The following SUMF1 variants were observed in gnomAD, a reference collection of about 807,000 sequenced individuals.
SUMF1 encodes formylglycine-generating enzyme.
In SUMF1, 48 loss-of-function variants were observed where a neutral mutation model predicts 47.6. That is an observed-to-expected ratio of 1.01 (90% CI 0.80 to 1.28). The LOEUF (loss-of-function observed/expected upper bound fraction) is 1.28. Among genes scored for constraint, SUMF1 ranks in the 50% most tolerant of loss-of-function variants. SUMF1 has a pLI of 0.00. For missense variants in SUMF1, 571 were observed against 485.4 expected (o/e 1.18, Z -1.66); for synonymous variants, 230 against 192.1 (o/e 1.20, Z -1.63).
chr3:4,228,751 T>C (rs1696232480), intron 8 of SUMF1, among the ~76,000 whole-genome samples: 1 of 152,128 alleles, frequency 6.6e-6, no homozygotes, highest in Non-Finnish European at 1.5e-5. Context: ...ATCAATTCTT[T>C]TAAATGGACC....
At position 4,234,639 on chromosome 3, in the gene SUMF1, T is replaced by A. The variant is rs80101243; in HGVS notation, c.1014+141691A>T. ...TATGCTCCAAAAGAAGAAGTAAAAATTTCCCTGCAAACACCTATTAGTGGT... is the reference window on the plus strand; with the variant it reads ...TATGCTCCAAAAGAAGAAGTAAAAAATTCCCTGCAAACACCTATTAGTGGT... On this transcript the variant is annotated intron_variant and NMD_transcript_variant, in intron 8 of 12. Coordinates refer to the SUMF1 transcript ENST00000448413. 5.9e-3 allele frequency among the ~76,000 whole-genome samples: 897 copies of A among 152,164 alleles called. 12 individuals carry two copies. The highest frequency in any genetic ancestry group is 0.02 in the African/African-American group (831 of 41,532).
intron 7 of SUMF1, among the ~76,000 whole-genome samples, chr3:4,400,881 T>A (rs1376819202): frequency 1.3e-5 from 2 of 152,108 alleles, no homozygotes; most frequent in East Asian, 3.9e-4. Context: ...TTGTTACATA[T>A]GTATACATGT....
intron 8 of SUMF1, among the ~76,000 whole-genome samples, chr3:4,295,227 A>G (rs2125058675): frequency 6.6e-6 from 1 of 152,154 alleles, no homozygotes; most frequent in African/African-American, 2.4e-5. Context: ...CCAGGGGCCT[A>G]TATAGTTGCA....
At chr3:4,205,366 C>T (rs941910569) in intron 8 of SUMF1, among the ~76,000 whole-genome samples, 1 of 152,200 alleles carries the variant, frequency 6.6e-6, no homozygotes, top group African/African-American at 2.4e-5. Flanking sequence ...CTCAGCCCGC[C>T]TGCACCCAGG....
chr3:4,087,181 G>T (rs1325851028), intron 8 of SUMF1, among the ~76,000 whole-genome samples: 1 of 152,178 alleles, frequency 6.6e-6, no homozygotes, highest in African/African-American at 2.4e-5. Flanking sequence ...GGGGTAGTGA[G>T]AATCAGAAGA....
intron 8 of SUMF1, among the ~76,000 whole-genome samples, chr3:4,170,084 C>T (rs767604490): frequency 1.3e-5 from 2 of 152,150 alleles, no homozygotes; most frequent in African/African-American, 2.4e-5. Flanking sequence ...CCCACCCCAT[C>T]TGTTTTTGTA....
At chr3:4,256,400 T>A in intron 8 of SUMF1, among the ~76,000 whole-genome samples, 1 of 129,580 alleles carries the variant, frequency 7.7e-6, no homozygotes, top group Non-Finnish European at 1.7e-5. Context: ...GAGAGAAGAA[T>A]CAAATAGACA....
intron 8 of SUMF1, among the ~76,000 whole-genome samples, chr3:4,133,514 T>A (rs958527213): frequency 6.6e-6 from 1 of 152,038 alleles, no homozygotes; most frequent in African/African-American, 2.4e-5. Context: ...AGATTAACAT[T>A]TGAGTCAGTG....
At chr3:4,293,038 T>G (rs957763864) in intron 8 of SUMF1, among the ~76,000 whole-genome samples, 1 of 152,170 alleles carries the variant, frequency 6.6e-6, no homozygotes, top group African/African-American at 2.4e-5. Context: ...ATACTTGACT[T>G]TTTTAAAAAC....
chr3:4,226,896 A>T (rs1289604550), intron 8 of SUMF1, among the ~76,000 whole-genome samples: 1 of 151,956 alleles, frequency 6.6e-6, no homozygotes, highest in Non-Finnish European at 1.5e-5. Context: ...CCCCTACTCC[A>T]GTGGTTCTCA....
At chr3:4,084,548 G>C (rs1196471964) in intron 8 of SUMF1, among the ~76,000 whole-genome samples, 1 of 152,026 alleles carries the variant, frequency 6.6e-6, no homozygotes, top group Non-Finnish European at 1.5e-5. Flanking sequence ...AAGAACCAAA[G>C]CATTTCCAGA....
At chr3:4,202,160 A>G (rs1695553974) in intron 8 of SUMF1, among the ~76,000 whole-genome samples, 1 of 152,006 alleles carries the variant, frequency 6.6e-6, no homozygotes, top group South Asian at 2.1e-4. Context: ...GTGGGATATT[A>G]CCAAAGAAAT....
At chr3:4,388,888 T>C (rs1700759975) in intron 7 of SUMF1, among the ~76,000 whole-genome samples, 1 of 152,272 alleles carries the variant, frequency 6.6e-6, no homozygotes, top group South Asian at 2.1e-4. Context: ...TAAATCCCTT[T>C]AGCTTCTCTT....
intron 8 of SUMF1, among the ~76,000 whole-genome samples, chr3:4,084,244 G>T (rs1183541520): frequency 4.6e-5 from 7 of 152,110 alleles, no homozygotes; most frequent in Admixed American, 3.9e-4. Context: ...CAGGAAAAAT[G>T]CAAGTGGCAT....
chr3:4,035,072 G>A (rs887887248), intron 9 of SUMF1, among the ~76,000 whole-genome samples: 9 of 151,980 alleles, frequency 5.9e-5, no homozygotes, highest in African/African-American at 2.2e-4. Context: ...CCAGCTGGAG[G>A]ACAACAAAGG....
intron 8 of SUMF1, among the ~76,000 whole-genome samples, chr3:4,339,877 G>C (rs1699233512): frequency 6.6e-6 from 1 of 152,116 alleles, no homozygotes; most frequent in African/African-American, 2.4e-5. Context: ...AGGAGTTCAA[G>C]AACAGCCTAG....
Position 4,376,373 on chromosome 3 carries a change from C to T in SUMF1, c.971G>A (p.Gly324Glu). Reference protein sequence around the residue: ...ETLNPKGPPSGKDRVKKGGSY... With the variant: ...ETLNPKGPPSEKDRVKKGGSY... ...TCCACCTTTCTTCACTCGGTCTTTC[C>T]CAGAAGGGGGACCTTTCTACAGATG... Residue 324 changes from glycine (G) to glutamate (E), a missense_variant, in exon 8 of 9, where the codon GGG becomes GAG. Coordinates refer to ENST00000272902, the MANE Select transcript of SUMF1 (RefSeq NM_182760.4). 1 of 1,614,152 alleles carries T rather than the reference C, an allele frequency of 6.2e-7. No homozygotes were observed.
At position 4,267,065 on chromosome 3, in the gene SUMF1, G is replaced by C. The variant is rs201880585; in HGVS notation, c.1014+109265C>G. On this transcript the variant is annotated intron_variant and NMD_transcript_variant, in intron 8 of 12. Transcript: ENST00000448413. Reference sequence around the variant, plus strand: ...CATATTGAACCAGCCTTGCATCCCAGGGATGAAGCCCACTTGATCATGGTG... The same window carrying C: ...CATATTGAACCAGCCTTGCATCCCACGGATGAAGCCCACTTGATCATGGTG... Among the ~76,000 whole-genome samples the C allele has an allele frequency of 5.8e-4, 88 of 152,284 alleles. No homozygotes were observed. The East Asian group carries it at 0.014, about 25-fold the overall frequency.
intron 9 of SUMF1, among the ~76,000 whole-genome samples, chr3:4,052,990 T>A (rs1695138593): frequency 6.6e-6 from 1 of 152,206 alleles, no homozygotes; most frequent in African/African-American, 2.4e-5. Flanking sequence ...ATTCACAACT[T>A]GGCTAACTGC....
Sources: gnomAD v4.1 joint callset for allele counts (sites outside exome capture counted in the v4.1 genomes callset) on GRCh38, gnomAD v4.1.1 for gene constraint, MANE v1.5 for transcripts, NCBI Gene and HGNC (gene_info 2026-07-23, HGNC 2026-07-21) for gene names.